Variants in CPNE8 observed in about 807,000 individuals in gnomAD.
The protein encoded by CPNE8 is copine-8.
In CPNE8, 45 loss-of-function variants were observed where a neutral mutation model predicts 81.5. The ratio of observed to expected loss-of-function variants is 0.55; its 90% CI spans 0.44 to 0.71. CPNE8 has a LOEUF of 0.71. CPNE8 is among the 30% of genes least tolerant of loss of function. The pLI is 0.00. For missense variants in CPNE8, 594 were observed against 672.1 expected, an observed-to-expected ratio of 0.88 and a Z score of 1.28; for synonymous variants, 252 against 226.3, an observed-to-expected ratio of 1.11 and a Z score of -1.02.
At chr12:38,795,989 C>A (rs140707643) in intron 6 of CPNE8, among the ~76,000 whole-genome samples, 6 of 152,018 alleles carry the variant, frequency 3.9e-5, no homozygotes, top group Admixed American at 3.9e-4. Context: ...AGGCCAGGAA[C>A]GGTGGTCACG....
At chr12:38,891,086 T>C (rs1944308576) in intron 1 of CPNE8, among the ~76,000 whole-genome samples, 1 of 151,760 alleles carries the variant, frequency 6.6e-6, no homozygotes, top group Non-Finnish European at 1.5e-5. Context: ...CCCACCACCA[T>C]ACCTGACAAA....
chr12:38,900,981 G>C (rs538099355), intron 1 of CPNE8, among the ~76,000 whole-genome samples: 1 of 152,300 alleles, frequency 6.6e-6, no homozygotes, highest in East Asian at 1.9e-4. Context: ...CAGCACTTTG[G>C]GAAGCCAAAG....
At chr12:38,850,685 T>C (rs1010509367) in intron 3 of CPNE8, among the ~76,000 whole-genome samples, 1 of 152,196 alleles carries the variant, frequency 6.6e-6, no homozygotes, top group Non-Finnish European at 1.5e-5. Context: ...CTCAGCAGCA[T>C]GTGACACAGC....
chr12:38,776,416 A>G (rs1019121420), intron 6 of CPNE8, 115 bp from the exon 7 acceptor site: 7 of 284,176 alleles, frequency 2.5e-5, no homozygotes, highest in Non-Finnish European at 4.5e-5. Flanking sequence ...TATAATAATA[A>G]CATGGTTCTT....
chr12:38,906,384 A>T (rs1197347054), upstream of CPNE8: 2 of 985,352 alleles, frequency 2.0e-6, no homozygotes, highest in Non-Finnish European at 2.4e-6. Flanking sequence ...GATTTAAGGA[A>T]GCAATCTGGA....
chr12:38,905,669 G>T, upstream of CPNE8: 4 of 1,479,312 alleles, frequency 2.7e-6, no homozygotes, highest in Admixed American at 2.1e-5. Flanking sequence ...CGCGCGGGAT[G>T]GGGGAGGGAA....
chr12:38,861,263 T>C (rs1218473702), intron 3 of CPNE8, among the ~76,000 whole-genome samples: 1 of 152,116 alleles, frequency 6.6e-6, no homozygotes, highest in Non-Finnish European at 1.5e-5. Context: ...TGTTGTTCAA[T>C]GGGTATAAAG....
intron 16 of CPNE8, among the ~76,000 whole-genome samples, chr12:38,678,276 A>T (rs1464606275): frequency 3.3e-5 from 5 of 152,194 alleles, no homozygotes; most frequent in Non-Finnish European, 5.9e-5. Flanking sequence ...AAAATTATGT[A>T]TATGATAACA....
chr12:38,904,914 C>T (rs1415653190), intron 1 of CPNE8, among the ~76,000 whole-genome samples: 1 of 152,100 alleles, frequency 6.6e-6, no homozygotes, highest in African/African-American at 2.4e-5. Flanking sequence ...AGGCAAAAGG[C>T]AAAAAGCCCG....
chr12:38,790,086 ACTACTAG>A (rs1218620624), intron 6 of CPNE8, among the ~76,000 whole-genome samples: 1 of 151,826 alleles, frequency 6.6e-6, no homozygotes, highest in Non-Finnish European at 1.5e-5. Flanking sequence ...CAACAATCCT[ACTACTAG>A]GTATATCTAC....
At chr12:38,692,869 G>A (rs1939708595) in intron 15 of CPNE8, among the ~76,000 whole-genome samples, 3 of 152,166 alleles carry the variant, frequency 2.0e-5, no homozygotes, top group Admixed American at 2.0e-4. Flanking sequence ...CCAATAGGAT[G>A]TTGCAGAAAT....
chr12:38,715,495 G>A (rs1040400895), intron 13 of CPNE8, among the ~76,000 whole-genome samples: 8 of 151,970 alleles, frequency 5.3e-5, no homozygotes, highest in South Asian at 4.1e-4. Context: ...TTTAACATAC[G>A]CAATTCAATA....
chr12:38,886,753 T>C (rs1279974515), intron 1 of CPNE8, among the ~76,000 whole-genome samples: 1 of 152,154 alleles, frequency 6.6e-6, no homozygotes, highest in African/African-American at 2.4e-5. Context: ...TCTTTTTAAG[T>C]TTATACTGTC....
intron 5 of CPNE8, among the ~76,000 whole-genome samples, chr12:38,839,089 T>A (rs1943428149): frequency 6.6e-6 from 1 of 152,172 alleles, no homozygotes; most frequent in Non-Finnish European, 1.5e-5. Context: ...ATTCTACATC[T>A]GTGTACCCAG....
At chr12:38,679,583 A>G (rs1939367121) in intron 16 of CPNE8, 1 of 984,906 alleles carries the variant, frequency 1.0e-6, no homozygotes, top group Non-Finnish European at 1.2e-6. Flanking sequence ...ATTACATTTT[A>G]CTTTTAAGTT....
upstream of CPNE8, chr12:38,905,604 C>T (rs1392414179): frequency 6.5e-7 from 1 of 1,529,378 alleles, no homozygotes; most frequent in South Asian, 1.2e-5. Context: ...GGGCTAGCTC[C>T]CGTCAGGCGG....
At chr12:38,798,616 G>T (rs972319678) in intron 6 of CPNE8, among the ~76,000 whole-genome samples, 10 of 151,874 alleles carry the variant, frequency 6.6e-5, no homozygotes, top group Non-Finnish European at 1.0e-4. Context: ...AAAGACCATC[G>T]AGACTAGGAA....
chr12:38,724,098 A>C (rs1243644302), intron 12 of CPNE8, among the ~76,000 whole-genome samples: 1 of 152,164 alleles, frequency 6.6e-6, no homozygotes, highest in Non-Finnish European at 1.5e-5. Flanking sequence ...ACATTGTGTT[A>C]CTTCCCATTT....
chr12:38,695,104 T>C (rs1164676060), intron 14 of CPNE8, among the ~76,000 whole-genome samples: 1 of 152,184 alleles, frequency 6.6e-6, no homozygotes, highest in East Asian at 1.9e-4. Context: ...TGACTAAACT[T>C]GTAGAAAGTT....
Sources: allele counts gnomAD v4.1 joint callset (sites outside exome capture counted in the v4.1 genomes callset), GRCh38; gene constraint gnomAD v4.1.1; transcripts MANE v1.5; gene names NCBI Gene and HGNC (gene_info 2026-07-23, HGNC 2026-07-21).